MEOX1: variants seen among roughly 807,000 people sequenced by gnomAD.
MEOX1 encodes homeobox protein MOX-1.
In MEOX1, 17 loss-of-function variants were observed where a neutral mutation model predicts 23.2. That is an observed-to-expected ratio of 0.73 (90% confidence interval 0.50 to 1.10). The LOEUF (loss-of-function observed/expected upper bound fraction) is 1.10. MEOX1 is among the 50% of genes least tolerant of loss of function. The pLI is 0.00. For synonymous variants in MEOX1, 134 were observed against 135.1 expected (o/e 0.99, Z 0.06); for missense variants, 333 against 332.2 (o/e 1.00, Z -0.02).
chr17:43,648,330 G>A (rs1365778009), intron 1 of MEOX1, among the ~76,000 whole-genome samples: 3 of 152,024 alleles, frequency 2.0e-5, no homozygotes, highest in African/African-American at 2.4e-5. Context: ...TTAGCCAGGC[G>A]TGGTGGCGGG....
intron 1 of MEOX1, among the ~76,000 whole-genome samples, chr17:43,646,223 C>A (rs747105837): frequency 6.6e-6 from 1 of 152,116 alleles, no homozygotes; most frequent in African/African-American, 2.4e-5. Flanking sequence ...GAAGCGGGAG[C>A]GTGGGCAGCA....
At chr17:43,643,109 G>T (rs1270935220) in intron 2 of MEOX1, among the ~76,000 whole-genome samples, 1 of 151,682 alleles carries the variant, frequency 6.6e-6, no homozygotes, top group Non-Finnish European at 1.5e-5. Flanking sequence ...AGGAGTTTGA[G>T]ACCATCCTGG....
intron 1 of MEOX1, among the ~76,000 whole-genome samples, chr17:43,656,981 A>ATTTTCTTTCTTTCT: frequency 7.5e-6 from 1 of 133,492 alleles, no homozygotes; most frequent in Non-Finnish European, 1.6e-5. Context: ...CCGTTTGTTC[A>ATTTTCTTTCTTTCT]TTTTCTTTCT....
chr17:43,661,023 G>A (rs755687682), intron 1 of MEOX1, 43 bp downstream of exon 1: 2 of 1,311,698 alleles, frequency 1.5e-6, no homozygotes, highest in East Asian at 2.6e-5. Context: ...CTTCCCCAGG[G>A]TCACACAGTA....
chr17:43,659,235 C>T (rs987539847), intron 1 of MEOX1, among the ~76,000 whole-genome samples: 11 of 152,166 alleles, frequency 7.2e-5, no homozygotes, highest in African/African-American at 2.2e-4. Flanking sequence ...CACAGTGCTG[C>T]GTGCCGCCAC....
In MEOX1 at chr17:43,661,148, G is replaced by T. The variant is rs753290944; in HGVS notation, c.387C>A (p.Gly129=). The stretch of plus-strand genomic sequence containing the variant: ...CAAGCACCCCGTAGTCATCGCCTGG[G>T]CCTCCTGTGGTGTCCACCAGGCCCA... The part of the protein sequence containing the change: ...SSLGLVDTTG[G]PGDDYGVLGS... Residue 129 remains glycine (G), a synonymous_variant, in exon 1 of 3, where the codon GGC becomes GGA. Coordinates refer to ENST00000318579, the MANE Select transcript of MEOX1 (RefSeq NM_004527.4). The T allele has an allele frequency of 1.3e-6, 2 of 1,556,930 alleles. No individual in the cohort carries two copies. The highest frequency in any genetic ancestry group is 2.3e-5 in the East Asian group (1 of 44,274).
intron 1 of MEOX1, among the ~76,000 whole-genome samples, chr17:43,659,232 C>A (rs548160776): frequency 1.3e-5 from 2 of 152,186 alleles, no homozygotes; most frequent in African/African-American, 4.8e-5. Context: ...AGCCACAGTG[C>A]TGCGTGCCGC....
chr17:43,656,397 G>C (rs1973020121), intron 1 of MEOX1, among the ~76,000 whole-genome samples: 1 of 152,076 alleles, frequency 6.6e-6, no homozygotes, highest in African/African-American at 2.4e-5. Flanking sequence ...CAGGGGTAGT[G>C]GAGGGGACCT....
chr17:43,659,992 T>C (rs1181615595), intron 1 of MEOX1, among the ~76,000 whole-genome samples: 1 of 152,230 alleles, frequency 6.6e-6, no homozygotes, highest in Non-Finnish European at 1.5e-5. Context: ...ACCTGTTGGT[T>C]GGTGTCCTTC....
chr17:43,651,100 C>T (rs1170533813), intron 1 of MEOX1, among the ~76,000 whole-genome samples: 1 of 152,112 alleles, frequency 6.6e-6, no homozygotes, highest in Non-Finnish European at 1.5e-5. Flanking sequence ...GGGTGGATCA[C>T]GAGATCAGGA....
Position 43,642,021 on chromosome 17 carries a change from CCA to C in MEOX1, c.652_653del (p.Trp218ValfsTer25), listed in dbSNP as rs1305482430. 6.2e-7 allele frequency: 1 copy of C among 1,613,518 alleles called. No individual in the cohort carries two copies. Among genetic ancestry groups the C allele is most frequent in the East Asian group, 2.2e-5 (1 of 44,874 alleles). ...TCCACTTCATCCTTCGGTTCTGGAA[CCA>C]CACTTTGACCTGGGGGAGGAAGCAA... ...LDLSERQVKV[W>X]FQNRRMKWKR... On this transcript the variant is annotated frameshift_variant, in exon 3 of 3. Coordinates refer to ENST00000318579, the MANE Select transcript of MEOX1 (RefSeq NM_004527.4). LOFTEE classifies it high-confidence loss of function.
At position 43,661,490 on chromosome 17, in the gene MEOX1, T is replaced by C. The variant is rs1423586659; in HGVS notation, c.45A>G (p.Pro15=). 1.2e-6 allele frequency: 2 copies of C among 1,604,184 alleles called. No individual in the cohort carries two copies. The highest frequency in any genetic ancestry group is 2.7e-5 in the African/African-American group (2 of 74,828). The change falls in exon 1 of 3, where the codon CCA becomes CCG. Residue 15 remains proline, a synonymous_variant. Coordinates refer to ENST00000318579, the MANE Select transcript of MEOX1 (RefSeq NM_004527.4). ...TTCGAAGGCAGCCCCAGACAGGGGC[T>C]GGGGGCTGGAGGCTCCTCATGCAGC... ...ASSCMRSLQP[P]APVWGCLRNP...
chr17:43,652,267 C>G (rs962725798), intron 1 of MEOX1, among the ~76,000 whole-genome samples: 1 of 152,166 alleles, frequency 6.6e-6, no homozygotes. Context: ...ACACCCCACC[C>G]AGCACTGCCA....
intron 1 of MEOX1, among the ~76,000 whole-genome samples, chr17:43,653,152 T>TC (rs1972949783): frequency 1.3e-5 from 2 of 149,178 alleles, no homozygotes; most frequent in Non-Finnish European, 3.0e-5. Context: ...TTTTTTTTTT[T>TC]TTTTTGAGAC....
intron 2 of MEOX1, 50 bp from the exon 3 acceptor site, chr17:43,642,082 C>A: frequency 6.4e-7 from 1 of 1,573,508 alleles, no homozygotes; most frequent in Admixed American, 1.8e-5. Context: ...GGTGTGACCT[C>A]CTCCCCATGT....
rs536618217 is a variant in MEOX1 at position 43,646,759 on chromosome 17, T to G, written c.470-3099A>C. Among the ~76,000 whole-genome samples, 5 of 152,308 alleles carry G rather than the reference T, an allele frequency of 3.3e-5. No homozygotes were observed. The East Asian group carries it at 9.7e-4, about 29-fold the overall frequency. On this transcript the variant is annotated intron_variant, in intron 1 of 2. Coordinates refer to ENST00000318579, the MANE Select transcript of MEOX1 (RefSeq NM_004527.4). Reference sequence around the variant, plus strand: ...GGGAAGCTGAGGCGGGCGGATCACCTGAGATCGGGAGTTCGCGACCAGCCT... The same window carrying G: ...GGGAAGCTGAGGCGGGCGGATCACCGGAGATCGGGAGTTCGCGACCAGCCT...
intron 1 of MEOX1, among the ~76,000 whole-genome samples, chr17:43,651,662 A>G (rs1354825247): frequency 6.6e-6 from 1 of 152,242 alleles, no homozygotes; most frequent in Non-Finnish European, 1.5e-5. Context: ...GAAAAGGGCC[A>G]GCTCTGGAGG....
intron 1 of MEOX1, among the ~76,000 whole-genome samples, chr17:43,658,477 A>ACT (rs1973080349): frequency 2.0e-5 from 3 of 150,544 alleles, no homozygotes; most frequent in African/African-American, 7.3e-5. Flanking sequence ...ACTGCACTCC[A>ACT]GCATGGGCGT....
chr17:43,655,451 C>T (rs1264624276), intron 1 of MEOX1, among the ~76,000 whole-genome samples: 1 of 148,450 alleles, frequency 6.7e-6, no homozygotes, highest in Non-Finnish European at 1.5e-5. Flanking sequence ...AGCCTGGCAA[C>T]AGAGTGAGAC....
Sources: gnomAD v4.1 joint callset for allele counts (sites outside exome capture counted in the v4.1 genomes callset) on GRCh38, gnomAD v4.1.1 for gene constraint, MANE v1.5 for transcripts, NCBI Gene and HGNC (gene_info 2026-07-23, HGNC 2026-07-21) for gene names.